The following DOCK1 variants were observed in gnomAD, a reference collection of about 807,000 sequenced individuals.
The protein encoded by DOCK1 is dedicator of cytokinesis 1, also known as dedicator of cytokinesis protein 1.
Under a neutral mutation model 262.7 loss-of-function variants are expected in DOCK1, and 138 were observed. That is an observed-to-expected ratio of 0.53 (90% CI 0.46 to 0.61). The LOEUF (loss-of-function observed/expected upper bound fraction) is 0.61. DOCK1 is among the 20% of genes least tolerant of loss of function. DOCK1 has a pLI of 0.00. For missense variants in DOCK1, 1,908 were observed against 2,370.7 expected, an observed-to-expected ratio of 0.80 and a Z score of 4.05; for synonymous variants, 866 against 867.4, an observed-to-expected ratio of 1.00 and a Z score of 0.03.
chr10:127,198,771 C>G (rs2057329681), intron 27 of DOCK1, among the ~76,000 whole-genome samples: 1 of 147,436 alleles, frequency 6.8e-6, no homozygotes, highest in Non-Finnish European at 1.5e-5. Flanking sequence ...AGTAGGAAAC[C>G]ATTTACATAT....
chr10:126,905,649 C>A, intron 1 of DOCK1, 86 bp downstream of exon 1: 2 of 203,356 alleles, frequency 9.8e-6, no homozygotes, highest in South Asian at 1.8e-4. Context: ...TGCCGCCGCC[C>A]CGAGCGGCCG....
intron 1 of DOCK1, among the ~76,000 whole-genome samples, chr10:126,957,053 GA>G (rs1483881431): frequency 1.3e-5 from 2 of 152,210 alleles, no homozygotes; most frequent in Non-Finnish European, 2.9e-5. Context: ...GGAAAGCGGG[GA>G]AGGGGTCTCT....
intron 31 of DOCK1, 125 bp downstream of exon 31, chr10:127,343,871 G>A: frequency 1.3e-6 from 1 of 783,832 alleles, no homozygotes; most frequent in Non-Finnish European, 2.0e-6. Flanking sequence ...TGAAAGGGTG[G>A]TTTTAAATCA....
chr10:126,967,593 G>A (rs903310641), intron 1 of DOCK1, among the ~76,000 whole-genome samples: 1 of 151,742 alleles, frequency 6.6e-6, no homozygotes, highest in African/African-American at 2.4e-5. Flanking sequence ...GGTGTCAGTG[G>A]CCCATGCTCC....
intron 23 of DOCK1, among the ~76,000 whole-genome samples, chr10:127,066,212 C>T (rs1454778998): frequency 1.3e-5 from 2 of 152,060 alleles, no homozygotes; most frequent in Admixed American, 1.3e-4. Context: ...TCCCAGGTGC[C>T]CCCGCCGCCC....
chr10:127,283,500 C>G (rs74621112), intron 29 of DOCK1, among the ~76,000 whole-genome samples: 1,550 of 152,268 alleles, frequency 0.01, 21 homozygotes, highest in African/African-American at 0.034. Context: ...AGGAATAAAG[C>G]CATCCTATAT....
intron 21 of DOCK1, among the ~76,000 whole-genome samples, chr10:127,045,813 C>T (rs1046574739): frequency 1.3e-5 from 2 of 152,186 alleles, no homozygotes; most frequent in African/African-American, 4.8e-5. Context: ...CCTTTTTGTC[C>T]ACCCTATGGA....
intron 4 of DOCK1, among the ~76,000 whole-genome samples, chr10:126,984,866 G>A (rs2039252299): frequency 6.6e-6 from 1 of 151,460 alleles, no homozygotes; most frequent in Non-Finnish European, 1.5e-5. Context: ...CATAGCTATT[G>A]TAGTCACCTT....
At chr10:127,122,317 C>A (rs533073761) in intron 25 of DOCK1, among the ~76,000 whole-genome samples, 124 of 152,290 alleles carry the variant, frequency 8.1e-4, no homozygotes, top group Non-Finnish European at 1.5e-3. Flanking sequence ...GGTTGAAATC[C>A]CTGGCATGGG....
At chr10:127,065,190 T>C (rs1434114996) in intron 23 of DOCK1, among the ~76,000 whole-genome samples, 2 of 152,062 alleles carry the variant, frequency 1.3e-5, no homozygotes, top group Admixed American at 6.6e-5. Flanking sequence ...TTTGAATTTT[T>C]AGTAGAGACG....
chr10:126,911,981 G>A (rs1303829529), intron 1 of DOCK1, among the ~76,000 whole-genome samples: 2 of 152,196 alleles, frequency 1.3e-5, no homozygotes, highest in African/African-American at 4.8e-5. Context: ...CAACAGGACT[G>A]TGTTTCTTCA....
intron 42 of DOCK1, among the ~76,000 whole-genome samples, chr10:127,410,079 C>T (rs1192766171): frequency 1.3e-5 from 2 of 152,224 alleles, no homozygotes; most frequent in African/African-American, 4.8e-5. Context: ...TTGATGACCT[C>T]ATATTCCTTA....
chr10:127,247,196 T>G (rs1365179219), intron 27 of DOCK1, among the ~76,000 whole-genome samples: 1 of 152,192 alleles, frequency 6.6e-6, no homozygotes, highest in African/African-American at 2.4e-5. Flanking sequence ...CGGAGAGACG[T>G]TTCAGCTTTG....
At chr10:127,393,816 C>G (rs1440577384) in intron 38 of DOCK1, among the ~76,000 whole-genome samples, 1 of 152,104 alleles carries the variant, frequency 6.6e-6, no homozygotes, top group African/African-American at 2.4e-5. Context: ...GTTTCTTAAT[C>G]TTTTTCTTTC....
intron 12 of DOCK1, among the ~76,000 whole-genome samples, chr10:127,015,411 A>C (rs1211946299): frequency 6.6e-6 from 1 of 150,986 alleles, no homozygotes; most frequent in Non-Finnish European, 1.5e-5. Flanking sequence ...CATCTGTCCC[A>C]GTTTTCCATT....
At chr10:126,950,460 ATTG>A (rs2036113539) in intron 1 of DOCK1, among the ~76,000 whole-genome samples, 1 of 152,006 alleles carries the variant, frequency 6.6e-6, no homozygotes, top group Non-Finnish European at 1.5e-5. Context: ...GATTAATGGA[ATTG>A]TTATTTCATC....
chr10:126,923,444 T>G (rs929500238), intron 1 of DOCK1, among the ~76,000 whole-genome samples: 2 of 151,830 alleles, frequency 1.3e-5, no homozygotes, highest in Admixed American at 6.6e-5. Context: ...GCCAACATGG[T>G]GAAACCCCAT....
intron 27 of DOCK1, among the ~76,000 whole-genome samples, chr10:127,191,400 A>T (rs1214401431): frequency 6.6e-6 from 1 of 152,156 alleles, no homozygotes; most frequent in Non-Finnish European, 1.5e-5. Flanking sequence ...GAACAAAGCC[A>T]TCTGCATATC....
At chr10:127,298,293 T>C (rs2061569475) in intron 29 of DOCK1, among the ~76,000 whole-genome samples, 2 of 152,214 alleles carry the variant, frequency 1.3e-5, no homozygotes, top group Admixed American at 1.3e-4. Context: ...TTTTGGGGGT[T>C]AGCTCGAATC....
Sources: allele counts gnomAD v4.1 joint callset (sites outside exome capture counted in the v4.1 genomes callset), GRCh38; gene constraint gnomAD v4.1.1; transcripts MANE v1.5; gene names NCBI Gene and HGNC (gene_info 2026-07-23, HGNC 2026-07-21).